The following ZNF385D variants were observed in gnomAD, a reference collection of about 807,000 sequenced individuals.
ZNF385D encodes zinc finger protein 385D.
Under a neutral mutation model 35.8 loss-of-function variants are expected in ZNF385D, and 15 were observed. The ratio of observed to expected loss-of-function variants is 0.42; its 90% CI spans 0.28 to 0.64. The LOEUF (loss-of-function observed/expected upper bound fraction) is 0.64. ZNF385D is among the 30% of genes least tolerant of loss of function. The pLI, the probability that ZNF385D is intolerant of heterozygous loss-of-function variation, is 0.23. For missense variants in ZNF385D, 474 were observed against 494.6 expected, an observed-to-expected ratio of 0.96 and a Z score of 0.39; for synonymous variants, 212 against 186.8, an observed-to-expected ratio of 1.13 and a Z score of -1.10.
intron 2 of ZNF385D, among the ~76,000 whole-genome samples, chr3:22,318,607 T>C (rs1704031521): frequency 6.6e-6 from 1 of 152,128 alleles, no homozygotes; most frequent in African/African-American, 2.4e-5. Flanking sequence ...CCTGCATTTT[T>C]CAGCAATATT....
At chr3:21,979,227 G>C (rs912456942) in intron 3 of ZNF385D, among the ~76,000 whole-genome samples, 4 of 151,938 alleles carry the variant, frequency 2.6e-5, no homozygotes, top group African/African-American at 9.7e-5. Context: ...TTTTGTTATT[G>C]CCCTGTATAA....
intron 3 of ZNF385D, among the ~76,000 whole-genome samples, chr3:21,779,717 A>G (rs1320496897): frequency 6.6e-6 from 1 of 152,032 alleles, no homozygotes; most frequent in Non-Finnish European, 1.5e-5. Flanking sequence ...GTAAAGATCT[A>G]TGACAAAAGA....
intron 1 of ZNF385D, among the ~76,000 whole-genome samples, chr3:21,700,583 C>A (rs1368917019): frequency 6.6e-6 from 1 of 152,188 alleles, no homozygotes; most frequent in Non-Finnish European, 1.5e-5. Context: ...CTGGCTCTGA[C>A]AAGTTTTGTG....
chr3:21,848,872 C>T (rs1696190270), intron 3 of ZNF385D, among the ~76,000 whole-genome samples: 1 of 152,036 alleles, frequency 6.6e-6, no homozygotes, highest in Admixed American at 6.6e-5. Flanking sequence ...GCAGACATCA[C>T]ATGTATTTGT....
At chr3:21,617,698 G>A (rs974195023) in intron 2 of ZNF385D, among the ~76,000 whole-genome samples, 1 of 152,142 alleles carries the variant, frequency 6.6e-6, no homozygotes, top group Non-Finnish European at 1.5e-5. Context: ...TATGGCCAAG[G>A]TCCTTTGTTG....
At chr3:22,151,550 C>A (rs567587989) in intron 3 of ZNF385D, among the ~76,000 whole-genome samples, 1 of 152,056 alleles carries the variant, frequency 6.6e-6, no homozygotes, top group Non-Finnish European at 1.5e-5. Context: ...ACAAACAAAC[C>A]AACAAGGTCT....
At chr3:22,271,686 C>A (rs765646347) in intron 2 of ZNF385D, among the ~76,000 whole-genome samples, 1 of 151,838 alleles carries the variant, frequency 6.6e-6, no homozygotes, top group East Asian at 1.9e-4. Context: ...AAACTCCCCC[C>A]ACCCTCTGCC....
intron 3 of ZNF385D, among the ~76,000 whole-genome samples, chr3:21,867,449 G>C (rs745939231): frequency 3.9e-5 from 6 of 152,090 alleles, no homozygotes; most frequent in African/African-American, 1.4e-4. Flanking sequence ...TTTGGGAACT[G>C]CTACTTTAGG....
At chr3:22,197,984 G>A (rs1216908427) in intron 2 of ZNF385D, among the ~76,000 whole-genome samples, 1 of 152,036 alleles carries the variant, frequency 6.6e-6, no homozygotes, top group Non-Finnish European at 1.5e-5. Flanking sequence ...TAGTTAGAAG[G>A]CGATGTCCCC....
intron 3 of ZNF385D, among the ~76,000 whole-genome samples, chr3:21,941,041 T>C (rs1559775156): frequency 6.6e-6 from 1 of 152,144 alleles, no homozygotes; most frequent in East Asian, 1.9e-4. Context: ...AAAAGCAAAT[T>C]ATCTTGGAAA....
At chr3:22,188,572 C>G (rs867035438) in intron 2 of ZNF385D, among the ~76,000 whole-genome samples, 99 of 152,156 alleles carry the variant, frequency 6.5e-4, no homozygotes, top group African/African-American at 2.3e-3. Flanking sequence ...GCCTCAGCCT[C>G]CCGAGTAGCT....
At chr3:22,142,822 C>A (rs1296494163) in intron 3 of ZNF385D, among the ~76,000 whole-genome samples, 10 of 152,060 alleles carry the variant, frequency 6.6e-5, no homozygotes, top group Non-Finnish European at 1.3e-4. Flanking sequence ...TCTCTCAAAA[C>A]AGCCATCTCC....
chr3:22,367,616 C>T (rs1242306949), intron 2 of ZNF385D, among the ~76,000 whole-genome samples: 1 of 151,726 alleles, frequency 6.6e-6, no homozygotes, highest in Non-Finnish European at 1.5e-5. Context: ...TTCAGAATGC[C>T]TTCTGGAGTT....
chr3:22,149,941 C>G (rs562380816), intron 3 of ZNF385D, among the ~76,000 whole-genome samples: 144 of 152,246 alleles, frequency 9.5e-4, no homozygotes, highest in African/African-American at 3.4e-3. Context: ...AGAACTTACT[C>G]TCTTGACTTT....
intron 2 of ZNF385D, among the ~76,000 whole-genome samples, chr3:22,190,875 C>G (rs1695973820): frequency 6.6e-6 from 1 of 151,864 alleles, no homozygotes; most frequent in Non-Finnish European, 1.5e-5. Flanking sequence ...CATGACCTAC[C>G]ACTTTACAGT....
At chr3:21,780,023 A>G (rs371241384) in intron 3 of ZNF385D, among the ~76,000 whole-genome samples, 4 of 152,114 alleles carry the variant, frequency 2.6e-5, no homozygotes. Flanking sequence ...GGGAACATCT[A>G]TTGTGTTACA....
chr3:22,284,441 C>T (rs906991400), intron 2 of ZNF385D, among the ~76,000 whole-genome samples: 6 of 152,032 alleles, frequency 3.9e-5, no homozygotes, highest in Middle Eastern at 3.4e-3. Flanking sequence ...CTGCCTGCCT[C>T]GGCCTCCCAA....
chr3:21,577,586 C>A (rs2063530134), intron 2 of ZNF385D, among the ~76,000 whole-genome samples: 1 of 152,080 alleles, frequency 6.6e-6, no homozygotes, highest in Non-Finnish European at 1.5e-5. Flanking sequence ...AACCTACGTG[C>A]TGTTTTTCCA....
chr3:21,679,304 A>G (rs922917719), intron 1 of ZNF385D, among the ~76,000 whole-genome samples: 1 of 152,104 alleles, frequency 6.6e-6, no homozygotes, highest in Non-Finnish European at 1.5e-5. Context: ...ATGATATGAA[A>G]TAATGGAATA....
Sources: gnomAD v4.1 joint callset for allele counts (sites outside exome capture counted in the v4.1 genomes callset) on GRCh38, gnomAD v4.1.1 for gene constraint, MANE v1.5 for transcripts, NCBI Gene and HGNC (gene_info 2026-07-23, HGNC 2026-07-21) for gene names.